POLA1: variants seen among roughly 807,000 people sequenced by gnomAD.
The protein encoded by POLA1 is DNA polymerase alpha catalytic subunit.
A neutral mutation model predicts 124.0 loss-of-function variants in POLA1; 15 were observed. The observed-to-expected ratio is 0.12, with a 90% CI of 0.08 to 0.19. The LOEUF (loss-of-function observed/expected upper bound fraction) is 0.19, where lower values mean the gene tolerates loss of function less well. POLA1 is among the 10% of genes least tolerant of loss of function. The pLI is 1.00. For missense variants in POLA1, 886 were observed against 1,103.4 expected (o/e 0.80, Z 2.79); for synonymous variants, 408 against 389.4 (o/e 1.05, Z -0.56).
In POLA1 at chrX:24,699,406, AT is replaced by A. The variant is rs777085860; in HGVS notation, c.44-11del. On this transcript the variant is annotated intron_variant, in intron 1 of 36. Transcript: ENST00000379068. ...GACAATTTTGTAACATCTGTTGTAA[AT>A]TTTTTTTCTTTTTTCAGCTCTGTCA... The A allele has an allele frequency of 5.3e-6, 6 of 1,129,007 alleles. No homozygotes were observed. The highest frequency in any genetic ancestry group is 2.3e-5 in the South Asian group (1 of 44,241). 93.0% of individuals were successfully genotyped at this position (1,129,007 alleles called of 1,213,427 possible).
chrX:24,905,930 G>A (rs1050469305), intron 35 of POLA1, among the ~76,000 whole-genome samples: 1 of 111,947 alleles, frequency 8.9e-6, no homozygotes, highest in African/African-American at 3.2e-5. Context: ...AATTATCGGG[G>A]AAATGCAAAT....
intron 35 of POLA1, among the ~76,000 whole-genome samples, chrX:24,927,356 A>G (rs1238355775): frequency 8.9e-6 from 1 of 112,042 alleles, no homozygotes; most frequent in Non-Finnish European, 1.9e-5. Context: ...AAGAACACAT[A>G]AAAAACGGTG....
chrX:24,797,661 G>A (rs1410036042), intron 26 of POLA1, among the ~76,000 whole-genome samples: 1 of 112,092 alleles, frequency 8.9e-6, no homozygotes, highest in Non-Finnish European at 1.9e-5. Flanking sequence ...GTGTTTGAAT[G>A]AATGAGTTCC....
At chrX:24,934,159 A>AG (rs1168549688) in intron 36 of POLA1, among the ~76,000 whole-genome samples, 2 of 112,372 alleles carry the variant, frequency 1.8e-5, no homozygotes, top group Non-Finnish European at 3.8e-5. Context: ...TGAACAGTTC[A>AG]GGGGAAACCT....
At chrX:24,994,255 A>G (rs1353960626) in intron 36 of POLA1, among the ~76,000 whole-genome samples, 13 of 112,635 alleles carry the variant, frequency 1.2e-4, no homozygotes. Context: ...TTAATTCTCT[A>G]TAAAACCTGT....
Position 24,735,342 on chromosome X carries a change from T to TA in POLA1, c.1834-56dup, listed in dbSNP as rs772006081. Reference sequence around the variant, plus strand: ...ACCATAGTTGAACAAGAAGCCAAGATACAGTACTTGCGGACAGTAAAGAGT... The same window carrying TA: ...ACCATAGTTGAACAAGAAGCCAAGATAACAGTACTTGCGGACAGTAAAGAGT... On this transcript the variant is annotated intron_variant, in intron 17 of 36. Coordinates refer to ENST00000379068, the MANE Select transcript of POLA1 (RefSeq NM_001330360.2). The TA allele has an allele frequency of 1.8e-3, 1,299 of 704,106 alleles. 3 individuals carry two copies. Among genetic ancestry groups the TA allele is most frequent in the Non-Finnish European group, 2.7e-3 (1,173 of 438,260 alleles). The allele number at this position is 704,106 out of a possible 1,213,427, so 58.0% of individuals were successfully genotyped here. A position where few individuals can be genotyped will look rare whatever the true frequency, so the allele number is the denominator to read the frequency against.
chrX:24,892,611 T>G (rs770875725), intron 35 of POLA1, among the ~76,000 whole-genome samples: 1 of 111,935 alleles, frequency 8.9e-6, no homozygotes, highest in South Asian at 3.8e-4. Context: ...AAAATAAAGC[T>G]TTCTGGTTTT....
chrX:24,773,598 C>T (rs2045081924), intron 26 of POLA1, among the ~76,000 whole-genome samples: 1 of 111,924 alleles, frequency 8.9e-6, no homozygotes, highest in African/African-American at 3.2e-5. Context: ...GAATATTTAC[C>T]TCATGACGTT....
intron 17 of POLA1, chrX:24,734,113 G>C (rs954183234): frequency 2.1e-4 from 32 of 151,361 alleles, no homozygotes; most frequent in African/African-American, 9.9e-4. Flanking sequence ...ATGATCATAT[G>C]ATTCCTGTTT....
rs149927703 is a variant in POLA1 at position 24,778,004 on chromosome X, A to G, written c.2964+29012A>G. Among the ~76,000 whole-genome samples, 142 of 112,207 alleles carry G rather than the reference A, an allele frequency of 1.3e-3. No homozygotes were observed. In the East Asian group the frequency reaches 0.021, roughly 17 times the overall value. On this transcript the variant is annotated intron_variant, in intron 26 of 36. Transcript: ENST00000379068. ...TCCGATGTCAATAAGAATTAGTAAT[A>G]CCAAGTTAAAAGAAAAGCATTATTT...
chrX:24,908,803 T>C lies in POLA1; in HGVS notation c.4164+20681T>C, dbSNP rs759412411. Reference sequence around the variant, plus strand: ...TTTCTAGTTCTAGATCCCTGAGGAATCGCCACACTGACTTCCACAATGGTT... The same window carrying C: ...TTTCTAGTTCTAGATCCCTGAGGAACCGCCACACTGACTTCCACAATGGTT... On this transcript the variant is annotated intron_variant, in intron 35 of 36. Transcript: ENST00000379068. 5.4e-5 allele frequency among the ~76,000 whole-genome samples: 6 copies of C among 111,768 alleles called. No individual in the cohort carries two copies. In the South Asian group the frequency reaches 2.3e-3, roughly 43 times the overall value.
chrX:24,743,138 A>G lies in POLA1; in HGVS notation c.2467-92A>G, dbSNP rs758891468. ...ACTAACTGAAATGTTTGTTAGAACT[A>G]AGTCCTGCAATTGGAAAAGAGAGAA... On this transcript the variant is annotated intron_variant, in intron 22 of 36. Transcript: ENST00000379068. 6.9e-5 allele frequency: 34 copies of G among 489,645 alleles called. No homozygotes were observed. In the African/African-American group the frequency reaches 8.3e-4, roughly 12 times the overall value. The allele number at this position is 489,645 out of a possible 1,213,427, so 40.4% of individuals were successfully genotyped here.
chrX:24,788,929 G>T, intron 26 of POLA1: 1 of 1,205,194 alleles, frequency 8.3e-7, no homozygotes, highest in Non-Finnish European at 1.1e-6. Flanking sequence ...GACACAAGTC[G>T]GCAGGCAGTG....
chrX:24,724,856 T>C (rs932524656), intron 12 of POLA1, among the ~76,000 whole-genome samples: 1 of 112,110 alleles, frequency 8.9e-6, no homozygotes, highest in Non-Finnish European at 1.9e-5. Context: ...TACAGTCTGA[T>C]AGAATGAAAA....
intron 21 of POLA1, among the ~76,000 whole-genome samples, 186 bp downstream of exon 21, chrX:24,741,690 C>G (rs1287691316): frequency 1.8e-5 from 2 of 110,724 alleles, no homozygotes; most frequent in Non-Finnish European, 1.9e-5. Flanking sequence ...CCAGGTGCAG[C>G]GTGTTGAAAT....
chrX:24,841,495 T>C (rs1008221161), intron 32 of POLA1, among the ~76,000 whole-genome samples, 157 bp from the exon 33 acceptor site: 3 of 112,638 alleles, frequency 2.7e-5, no homozygotes, highest in Non-Finnish European at 5.6e-5. Flanking sequence ...TTATAAAGTA[T>C]CTCTTGTAAA....
chrX:24,968,298 C>T (rs2147268284), intron 36 of POLA1, among the ~76,000 whole-genome samples: 1 of 111,572 alleles, frequency 9.0e-6, no homozygotes, highest in African/African-American at 3.3e-5. Flanking sequence ...TACCCAGTTC[C>T]CTGCATCTGT....
At chrX:24,959,621 C>T (rs2048146715) in intron 36 of POLA1, among the ~76,000 whole-genome samples, 1 of 111,577 alleles carries the variant, frequency 9.0e-6, no homozygotes, top group South Asian at 3.8e-4. Context: ...TCTAGACCTG[C>T]TCTGTCTGTT....
intron 36 of POLA1, among the ~76,000 whole-genome samples, chrX:24,936,811 G>A (rs886495583): frequency 2.7e-5 from 3 of 112,052 alleles, no homozygotes; most frequent in Non-Finnish European, 3.8e-5. Flanking sequence ...GATTACAGGC[G>A]TGAGCCACCG....
Sources: gnomAD v4.1 joint callset for allele counts (sites outside exome capture counted in the v4.1 genomes callset) on GRCh38, gnomAD v4.1.1 for gene constraint, MANE v1.5 for transcripts, NCBI Gene and HGNC (gene_info 2026-07-23, HGNC 2026-07-21) for gene names.